TEAD4: variants seen among roughly 807,000 people sequenced by gnomAD.
TEAD4 encodes the protein TEA domain transcription factor 4.
In TEAD4, 36 loss-of-function variants were observed where a neutral mutation model predicts 52.4. The ratio of observed to expected loss-of-function variants is 0.69; its 90% CI spans 0.53 to 0.91. The LOEUF (loss-of-function observed/expected upper bound fraction) is 0.91. Among genes scored for constraint, TEAD4 ranks in the 40% least tolerant of loss-of-function variants. TEAD4 has a pLI of 0.00. For missense variants in TEAD4, 508 were observed against 583.9 expected, an observed-to-expected ratio of 0.87 and a Z score of 1.34; for synonymous variants, 220 against 231.0, an observed-to-expected ratio of 0.95 and a Z score of 0.43.
chr12:2,976,215 GA>G (rs1455635116), intron 2 of TEAD4, among the ~76,000 whole-genome samples: 1 of 151,762 alleles, frequency 6.6e-6, no homozygotes, highest in African/African-American at 2.4e-5. Flanking sequence ...GTTCCACCAA[GA>G]CGCCGGGCTG....
chr12:2,990,371 T>C (rs554440734), intron 2 of TEAD4, among the ~76,000 whole-genome samples: 1 of 151,486 alleles, frequency 6.6e-6, no homozygotes, highest in Non-Finnish European at 1.5e-5. Context: ...AATTCAAATT[T>C]CAAATCCATT....
chr12:2,985,267 C>CGTGGTG (rs2098237210), intron 2 of TEAD4, among the ~76,000 whole-genome samples: 1 of 151,614 alleles, frequency 6.6e-6, no homozygotes, highest in Admixed American at 6.6e-5. Flanking sequence ...CACCTGTAGT[C>CGTGGTG]CCAGCTGCTC....
At chr12:2,960,794 T>C (rs557176891) in intron 2 of TEAD4, among the ~76,000 whole-genome samples, 2 of 152,280 alleles carry the variant, frequency 1.3e-5, no homozygotes, top group African/African-American at 4.8e-5. Flanking sequence ...TCTTCGAGGA[T>C]GTTGGTTCTG....
intron 10 of TEAD4, among the ~76,000 whole-genome samples, chr12:3,022,548 C>G (rs1353993550): frequency 1.3e-5 from 2 of 152,340 alleles, no homozygotes; most frequent in Non-Finnish European, 2.9e-5. Flanking sequence ...AACACCCACC[C>G]AGCTTCTCAG....
intron 2 of TEAD4, among the ~76,000 whole-genome samples, chr12:2,962,938 G>A (rs1169020922): frequency 1.3e-5 from 2 of 152,126 alleles, no homozygotes; most frequent in Admixed American, 6.6e-5. Context: ...ACTCCCCCTA[G>A]CCGCCTTCAT....
intron 7 of TEAD4, 52 bp from the exon 8 acceptor site, chr12:3,019,063 C>T (rs994525623): frequency 8.5e-5 from 137 of 1,603,158 alleles, no homozygotes; most frequent in Non-Finnish European, 1.1e-4. Context: ...TGCAGGGATC[C>T]GGGGCGGTGG....
In TEAD4 at chr12:2,994,161, G is replaced by A. The variant is rs1015317941; in HGVS notation, c.-29-577G>A. Among the ~76,000 whole-genome samples the A allele has an allele frequency of 1.1e-4, 17 of 152,106 alleles. No individual in the cohort carries two copies. The highest frequency in any genetic ancestry group is 4.1e-4 in the African/African-American group (17 of 41,414). On this transcript the variant is annotated intron_variant, in intron 2 of 12. Transcript: ENST00000359864. The surrounding 1 kb of genome is among the most constrained non-coding windows in gnomAD (Gnocchi z 4.7). ...GGGATCTCGGCTCACTGCAACCTCT[G>A]CTTCTCGGATTCAAGCGATTCTCCT...
intron 10 of TEAD4, among the ~76,000 whole-genome samples, chr12:3,033,433 T>C (rs1053394435): frequency 6.6e-6 from 1 of 152,210 alleles, no homozygotes; most frequent in Admixed American, 6.5e-5. Flanking sequence ...CACCTGTCTC[T>C]GGGGCCGGTG....
chr12:2,962,507 G>C (rs1026000671), intron 2 of TEAD4, among the ~76,000 whole-genome samples: 2 of 151,516 alleles, frequency 1.3e-5, no homozygotes, highest in Non-Finnish European at 2.9e-5. Flanking sequence ...CACTAATTTT[G>C]TATTTTTAGT....
chr12:3,001,368 A>G (rs1036295700), intron 3 of TEAD4, among the ~76,000 whole-genome samples: 10 of 152,180 alleles, frequency 6.6e-5, no homozygotes, highest in African/African-American at 2.4e-4. Flanking sequence ...TCTCAAATAG[A>G]AATTCTGTAC....
chr12:2,959,858 G>A lies in TEAD4; in HGVS notation c.-122-90G>A. 1 of 151,746 alleles carries A rather than the reference G, an allele frequency of 6.6e-6. No individual in the cohort carries two copies. The highest frequency in any genetic ancestry group is 1.5e-5 in the Non-Finnish European group (1 of 67,908). The allele number at this position is 151,746 out of a possible 1,614,324, so 9.4% of individuals were successfully genotyped here. On this transcript the variant is annotated intron_variant, in intron 1 of 12. Transcript: ENST00000359864. The surrounding 1 kb of genome is among the most constrained non-coding windows in gnomAD (Gnocchi z 5.1). The stretch of plus-strand genomic sequence containing the variant: ...ACCGGGGCCGGTCGGCGCGGGGTGG[G>A]CTTGGCCCCGCGGCCCCGCCTTCAC...
chr12:2,960,514 C>T (rs956611052), intron 2 of TEAD4, among the ~76,000 whole-genome samples: 3 of 152,070 alleles, frequency 2.0e-5, no homozygotes, highest in African/African-American at 7.2e-5. Flanking sequence ...GTGAACATTT[C>T]CCCCGTTGTG....
chr12:3,009,225 C>T (rs1054088264), intron 3 of TEAD4, among the ~76,000 whole-genome samples: 78 of 152,114 alleles, frequency 5.1e-4, no homozygotes, highest in African/African-American at 1.9e-3. Flanking sequence ...GTCAGGAGTT[C>T]GAGACCAGCC....
intron 2 of TEAD4, among the ~76,000 whole-genome samples, chr12:2,983,758 C>T (rs112092740): frequency 6.8e-4 from 103 of 152,342 alleles, no homozygotes; most frequent in African/African-American, 2.3e-3. Context: ...TCTGTTCTCC[C>T]CACAGAGAAA....
At chr12:3,013,681 C>T (rs2098262203) in intron 5 of TEAD4, among the ~76,000 whole-genome samples, 1 of 152,098 alleles carries the variant, frequency 6.6e-6, no homozygotes, top group African/African-American at 2.4e-5. Context: ...TTGCAGTGAG[C>T]CAAGATAGTG....
intron 10 of TEAD4, among the ~76,000 whole-genome samples, chr12:3,032,179 T>C (rs939012555): frequency 1.3e-5 from 2 of 152,216 alleles, no homozygotes; most frequent in Non-Finnish European, 2.9e-5. Flanking sequence ...CCAAACTTGG[T>C]AGTGGCCTGT....
chr12:2,992,006 G>T (rs1475850029), intron 2 of TEAD4, among the ~76,000 whole-genome samples: 1 of 141,582 alleles, frequency 7.1e-6, no homozygotes, highest in East Asian at 2.1e-4. Context: ...GTTGGGGGGG[G>T]CGGTTCCTGC....
rs903431864 is a variant in TEAD4 at position 3,021,897 on chromosome 12, C to A, written c.777C>A (p.Asp259Glu). 17 of 1,614,128 alleles carry A rather than the reference C, an allele frequency of 1.1e-5. No homozygotes were observed. The African/African-American group carries it at 2.1e-4, about 20-fold the overall frequency. Reference sequence around the variant, plus strand: ...GCCAGTCCAGCCCAAGCTACAGCGACCCCTACCTCGAAGCCGTGGACATCC... The same window carrying A: ...GCCAGTCCAGCCCAAGCTACAGCGAACCCTACCTCGAAGCCGTGGACATCC... The change falls in exon 10 of 13, where the codon GAC becomes GAA. Residue 259 changes from aspartate (D) to glutamate (E), a missense_variant. By Grantham distance (45) the Asp-to-Glu change is conservative. Transcript: ENST00000359864.
intron 3 of TEAD4, among the ~76,000 whole-genome samples, chr12:3,006,966 C>T (rs1406509750): frequency 1.3e-5 from 2 of 152,036 alleles, no homozygotes; most frequent in Non-Finnish European, 2.9e-5. Flanking sequence ...GTGGAGGTTG[C>T]GGTAAGCCGA....
Sources: allele counts gnomAD v4.1 joint callset (sites outside exome capture counted in the v4.1 genomes callset), GRCh38; gene constraint gnomAD v4.1.1; non-coding constraint Gnocchi (gnomAD v3.1); transcripts MANE v1.5; gene names NCBI Gene and HGNC (gene_info 2026-07-23, HGNC 2026-07-21).